The following RIT2 variants were observed in gnomAD, a reference collection of about 807,000 sequenced individuals.
RIT2 encodes the protein Ras like without CAAX 2, also known as GTP-binding protein Rit2.
A neutral mutation model predicts 23.7 loss-of-function variants in RIT2; 24 were observed. The observed-to-expected ratio is 1.01, with a 90% CI of 0.73 to 1.43. RIT2 has a LOEUF of 1.43. RIT2 is among the 40% of genes most tolerant of loss of function. RIT2 has a pLI of 0.00. For synonymous variants in RIT2, 107 were observed against 91.1 expected (o/e 1.17, Z -0.99); for missense variants, 236 against 266.9 (o/e 0.88, Z 0.81).
intron 4 of RIT2, among the ~76,000 whole-genome samples, chr18:42,752,465 G>A (rs1160984218): frequency 1.3e-5 from 2 of 152,112 alleles, no homozygotes; most frequent in Non-Finnish European, 2.9e-5. Flanking sequence ...GGCTCAGAAA[G>A]GTTAAGCAGT....
At chr18:42,953,021 ATTG>A (rs1380782962) in intron 3 of RIT2, among the ~76,000 whole-genome samples, 1 of 150,120 alleles carries the variant, frequency 6.7e-6, no homozygotes, top group Non-Finnish European at 1.5e-5. Flanking sequence ...GTTGTTTTTC[ATTG>A]TTATCTTCCT....
chr18:42,979,812 T>C (rs900167115), intron 2 of RIT2, among the ~76,000 whole-genome samples: 1 of 152,118 alleles, frequency 6.6e-6, no homozygotes, highest in African/African-American at 2.4e-5. Context: ...AGCCAGGTGG[T>C]TTCCACCCAC....
chr18:42,863,016 G>A (rs1907369956), intron 4 of RIT2, among the ~76,000 whole-genome samples: 1 of 150,186 alleles, frequency 6.7e-6, no homozygotes, highest in Non-Finnish European at 1.5e-5. Flanking sequence ...AGCAATTTGG[G>A]ATTCACATGC....
At chr18:42,879,317 C>G (rs1907827888) in intron 4 of RIT2, among the ~76,000 whole-genome samples, 1 of 152,054 alleles carries the variant, frequency 6.6e-6, no homozygotes, top group East Asian at 1.9e-4. Flanking sequence ...AATTTGATAA[C>G]AAAAGGTACA....
At chr18:43,052,055 G>T (rs977354427) in intron 1 of RIT2, among the ~76,000 whole-genome samples, 3 of 152,044 alleles carry the variant, frequency 2.0e-5, no homozygotes, top group African/African-American at 7.2e-5. Flanking sequence ...ACAATAGCTT[G>T]CTGAACAACA....
intron 1 of RIT2, among the ~76,000 whole-genome samples, chr18:43,044,938 ATGAT>A (rs1912211776): frequency 6.6e-6 from 1 of 152,190 alleles, no homozygotes; most frequent in Non-Finnish European, 1.5e-5. Flanking sequence ...ATTTTCAAGG[ATGAT>A]TGATGAGACA....
chr18:42,852,487 T>G (rs1197145254), intron 4 of RIT2, among the ~76,000 whole-genome samples: 1 of 152,232 alleles, frequency 6.6e-6, no homozygotes, highest in Non-Finnish European at 1.5e-5. Context: ...GGAATCTTAC[T>G]TCATGGTGTT....
At chr18:42,834,342 G>A (rs981187799) in intron 4 of RIT2, among the ~76,000 whole-genome samples, 2 of 152,024 alleles carry the variant, frequency 1.3e-5, no homozygotes, top group Admixed American at 1.3e-4. Context: ...TGGACAATTC[G>A]TATAAACTCC....
chr18:42,881,134 A>T (rs558226546), intron 4 of RIT2, among the ~76,000 whole-genome samples: 56 of 152,140 alleles, frequency 3.7e-4, no homozygotes, highest in Middle Eastern at 3.4e-3. Context: ...AACATCCCAC[A>T]TCCTGCTGCC....
chr18:42,965,286 C>A (rs911688304), intron 3 of RIT2, among the ~76,000 whole-genome samples: 1 of 151,992 alleles, frequency 6.6e-6, no homozygotes, highest in Non-Finnish European at 1.5e-5. Flanking sequence ...AATCATAGAC[C>A]CAAGAAATAT....
intron 4 of RIT2, among the ~76,000 whole-genome samples, chr18:42,809,289 C>A (rs1455829613): frequency 6.6e-6 from 1 of 152,034 alleles, no homozygotes. Flanking sequence ...AGTTCTGTAA[C>A]TAGAGAAAGA....
chr18:42,892,646 A>G (rs1277535957), intron 4 of RIT2, among the ~76,000 whole-genome samples: 1 of 152,242 alleles, frequency 6.6e-6, no homozygotes, highest in African/African-American at 2.4e-5. Context: ...TTGACAAATA[A>G]AGCAGCTTTA....
intron 4 of RIT2, among the ~76,000 whole-genome samples, chr18:42,901,106 A>G (rs891508917): frequency 6.6e-6 from 1 of 152,056 alleles, no homozygotes; most frequent in African/African-American, 2.4e-5. Context: ...TTTGCTGCCA[A>G]CTGCTCATAG....
intron 3 of RIT2, among the ~76,000 whole-genome samples, chr18:42,935,499 C>T (rs1421209707): frequency 6.6e-6 from 1 of 152,122 alleles, no homozygotes; most frequent in Non-Finnish European, 1.5e-5. Context: ...ACTCACCCAT[C>T]CAGCACTTAT....
At chr18:42,807,737 C>T (rs1035994220) in intron 4 of RIT2, among the ~76,000 whole-genome samples, 4 of 152,088 alleles carry the variant, frequency 2.6e-5, no homozygotes, top group Admixed American at 6.6e-5. Context: ...TACGAGAACC[C>T]TTGTCCCTTA....
chr18:42,880,157 T>C (rs1253688356), intron 4 of RIT2, among the ~76,000 whole-genome samples: 1 of 152,146 alleles, frequency 6.6e-6, no homozygotes, highest in East Asian at 1.9e-4. Flanking sequence ...TATAGTTGTG[T>C]GGCAAAAAGG....
intron 1 of RIT2, among the ~76,000 whole-genome samples, chr18:43,102,707 G>C (rs1024318276): frequency 1.1e-4 from 17 of 151,930 alleles, no homozygotes; most frequent in African/African-American, 4.1e-4. Flanking sequence ...AGGCTGGTGT[G>C]CAGTGGCATG....
chr18:42,940,129 C>G (rs1431052076), intron 3 of RIT2, among the ~76,000 whole-genome samples: 3 of 150,338 alleles, frequency 2.0e-5, no homozygotes, highest in Non-Finnish European at 4.4e-5. Flanking sequence ...CTCCCTCTGC[C>G]TTAAATTTCC....
chr18:43,005,449 A>T (rs1911205319), intron 2 of RIT2, among the ~76,000 whole-genome samples: 1 of 151,804 alleles, frequency 6.6e-6, no homozygotes, highest in Non-Finnish European at 1.5e-5. Flanking sequence ...GTTTGACTAA[A>T]ATGATAGTGA....
Sources: allele counts gnomAD v4.1 joint callset (sites outside exome capture counted in the v4.1 genomes callset), GRCh38; gene constraint gnomAD v4.1.1; transcripts MANE v1.5; gene names NCBI Gene and HGNC (gene_info 2026-07-23, HGNC 2026-07-21).